The following SLC25A3 variants were observed in gnomAD, a reference collection of about 807,000 sequenced individuals.
SLC25A3 encodes the protein phosphate transport protein.
In SLC25A3, 14 loss-of-function variants were observed where a neutral mutation model predicts 37.1. That is an observed-to-expected ratio of 0.38 (90% CI 0.25 to 0.59). The LOEUF (loss-of-function observed/expected upper bound fraction) is 0.59. Ranked by LOEUF, SLC25A3 falls within the 20% of genes least tolerant of loss-of-function variation. The pLI is 0.67. For missense variants in SLC25A3, 385 were observed against 458.1 expected (o/e 0.84, Z 1.46); for synonymous variants, 161 against 168.7 (o/e 0.95, Z 0.36).
At chr12:98,593,920 G>A in intron 1 of SLC25A3, 55 bp from the exon 2 acceptor site, 1 of 1,609,136 alleles carries the variant, frequency 6.2e-7, no homozygotes, top group Admixed American at 1.7e-5. Flanking sequence ...CAGGGCGCCG[G>A]TAACGTTAAC....
intron 6 of SLC25A3, among the ~76,000 whole-genome samples, chr12:98,600,700 C>G (rs1470426946): frequency 6.6e-6 from 1 of 152,210 alleles, no homozygotes; most frequent in Non-Finnish European, 1.5e-5. Flanking sequence ...GCGTGAGCCA[C>G]CGCGCCTGGC....
chr12:98,601,175 A>C lies in SLC25A3; in HGVS notation c.819A>C (p.Gly273=). 6.2e-7 allele frequency: 1 copy of C among 1,612,368 alleles called. No individual in the cohort carries two copies. Among genetic ancestry groups the C allele is most frequent in the Non-Finnish European group, 8.5e-7 (1 of 1,179,540 alleles). ...GGATCCTTTATCTTTTTTCAGCTGG[A>C]GTCTTTTGTGCAATTGTTTCTCACC... ...VVTFVAGYIA[G]VFCAIVSHPA... Residue 273 remains glycine (G), a synonymous_variant, in exon 7 of 8, where the codon GGA becomes GGC. Transcript: ENST00000552981.
At position 98,598,672 on chromosome 12, in the gene SLC25A3, C is replaced by A; in HGVS notation, c.610C>A (p.Pro204Thr). 6.2e-7 allele frequency: 1 copy of A among 1,613,904 alleles called. No homozygotes were observed. Reference sequence around the variant, plus strand: ...TGCCAACACTTTGAGGGATGCAGCTCCCAAAATGTATAAGGAAGAAGGCCT... The same window carrying A: ...TGCCAACACTTTGAGGGATGCAGCTACCAAAATGTATAAGGAAGAAGGCCT... ...GYANTLRDAA[P>T]KMYKEEGLKA... Residue 204 changes from proline to threonine, a missense_variant, in exon 5 of 8, where the codon CCC (proline) becomes ACC (threonine). Pro to Thr is a conservative substitution (Grantham distance 38, BLOSUM62 -1). Around this residue, in one of 2 missense-constraint regions of SLC25A3, gnomAD observed 276 missense variants for 367.6 expected, o/e 0.75. Coordinates refer to ENST00000552981, the MANE Select transcript of SLC25A3 (RefSeq NM_002635.4).
intron 3 of SLC25A3, among the ~76,000 whole-genome samples, chr12:98,596,398 T>G (rs1283821222): frequency 6.6e-6 from 1 of 152,180 alleles, no homozygotes; most frequent in Non-Finnish European, 1.5e-5. Context: ...CAAACTGGAT[T>G]AGAAGTCTAC....
At chr12:98,596,630 G>A (rs1216931353) in intron 3 of SLC25A3, among the ~76,000 whole-genome samples, 1 of 151,556 alleles carries the variant, frequency 6.6e-6, no homozygotes, top group African/African-American at 2.4e-5. Context: ...TTTGTTTAGT[G>A]TTCACAAAAC....
At chr12:98,593,898 C>A in intron 1 of SLC25A3, 77 bp from the exon 2 acceptor site, 1 of 1,549,398 alleles carries the variant, frequency 6.5e-7, no homozygotes, top group African/African-American at 1.4e-5. Context: ...GAAAAGGCCC[C>A]GGTTGGGGTT....
chr12:98,600,087 G>C lies in SLC25A3; in HGVS notation c.774G>C (p.Lys258Asn). ...VVPKPRSECS[K>N]PEQLVVTFVA... ...CTAAGCCCCGCAGTGAATGTTCAAA[G>C]CCAGAGCAGCTGGTTGTAACATTTG... Residue 258 changes from lysine to asparagine, a missense_variant, in exon 6 of 8, where the codon AAG becomes AAC. Lys to Asn is a moderately conservative substitution (Grantham distance 94). Transcript: ENST00000552981. 6.2e-7 allele frequency: 1 copy of C among 1,613,968 alleles called. No homozygotes were observed. Among genetic ancestry groups the C allele is most frequent in the Non-Finnish European group, 8.5e-7 (1 of 1,179,796 alleles).
Position 98,604,456 on chromosome 12 carries a change from C to G in SLC25A3, c.*2928C>G, listed in dbSNP as rs2097600142. 6.6e-6 allele frequency: 1 copy of G among 151,212 alleles called. No individual in the cohort carries two copies. The highest frequency in any genetic ancestry group is 1.9e-4 in the East Asian group (1 of 5,150). 9.4% of individuals were successfully genotyped at this position (151,212 alleles called of 1,614,324 possible). A position where few individuals can be genotyped will look rare whatever the true frequency, so the allele number is the denominator to read the frequency against. On this transcript the variant is annotated 3_prime_UTR_variant, in exon 8 of 8. Transcript: ENST00000552981. ...ATTGAACAGAAGAGTAACAGCTTAA[C>G]TAAACCTCCATTGTGTGAAAGTTTT...
rs1003193447 is a variant in SLC25A3, at chr12:98,602,694, T to C, written c.*1166T>C. 3.3e-5 allele frequency: 5 copies of C among 152,212 alleles called. No homozygotes were observed. Among genetic ancestry groups the C allele is most frequent in the African/African-American group, 1.2e-4 (5 of 41,452 alleles). 9.4% of individuals were successfully genotyped at this position (152,212 alleles called of 1,614,324 possible). ...AGGAAGTGTATAAAAGTTCAATCTT[T>C]TGTAATGACAGCCCACCACTGGAAA... On this transcript the variant is annotated 3_prime_UTR_variant, in exon 8 of 8. Transcript: ENST00000552981.
At position 98,602,233 on chromosome 12, in the gene SLC25A3, C is replaced by T. The variant is rs1565832732; in HGVS notation, c.*705C>T. The stretch of plus-strand genomic sequence containing the variant: ...CCAGACGAGTGTAGTGTCGCGATCT[C>T]GCCTCACGGCAACCTCTGCCTCCCA... On this transcript the variant is annotated 3_prime_UTR_variant, in exon 8 of 8. Transcript: ENST00000552981. 1.3e-5 allele frequency: 2 copies of T among 152,002 alleles called. No individual in the cohort carries two copies. Among genetic ancestry groups the T allele is most frequent in the African/African-American group, 2.4e-5 (1 of 41,276 alleles). The allele number at this position is 152,002 out of a possible 1,614,324, so 9.4% of individuals were successfully genotyped here.
In SLC25A3 at chr12:98,599,960, A is replaced by G. The variant is rs1434634926; in HGVS notation, c.647A>G (p.Tyr216Cys). 19 of 1,613,816 alleles carry G rather than the reference A, an allele frequency of 1.2e-5. No homozygotes were observed. The highest frequency in any genetic ancestry group is 1.4e-5 in the Non-Finnish European group (17 of 1,179,778). Reference sequence around the variant, plus strand: ...CAAGTCTCTTGATTTCCTAGATTCTACAAGGGGGTTGCTCCTCTCTGGATG... The same window carrying G: ...CAAGTCTCTTGATTTCCTAGATTCTGCAAGGGGGTTGCTCCTCTCTGGATG... ...MYKEEGLKAF[Y>C]KGVAPLWMRQ... The change falls in exon 6 of 8, where the codon TAC becomes TGC. Residue 216 changes from tyrosine to cysteine, a missense_variant. Around this residue, in one of 2 missense-constraint regions of SLC25A3, gnomAD observed 276 missense variants for 367.6 expected, o/e 0.75. Transcript: ENST00000552981.
In SLC25A3 at chr12:98,601,459, C is replaced by G; in HGVS notation, c.1017C>G (p.Phe339Leu). 1 of 1,614,072 alleles carries G rather than the reference C, an allele frequency of 6.2e-7. No homozygotes were observed. Among genetic ancestry groups the G allele is most frequent in the Non-Finnish European group, 8.5e-7 (1 of 1,179,972 alleles). The change falls in exon 8 of 8, where the codon TTC becomes TTG. Residue 339 changes from phenylalanine to leucine, a missense_variant. Phe to Leu is a conservative substitution (Grantham distance 22). This residue lies in a region of SLC25A3 where 276 missense variants were observed against 367.6 expected (regional missense o/e 0.75). Transcript: ENST00000552981. ...TCTATGACTCCGTGAAGGTCTACTT[C>G]AGACTTCCTCGCCCTCCTCCACCCG... is the stretch of plus-strand genomic sequence containing the variant. Reference protein sequence around the residue: ...WFIYDSVKVYFRLPRPPPPEM... With the variant: ...WFIYDSVKVYLRLPRPPPPEM...
rs547216673 is a variant in SLC25A3, at chr12:98,604,297, A to G, written c.*2769A>G. ...ATATATATATATATATGAAGCTGAT[A>G]GTTGAATTATGTTGATTCAGGGACA... On this transcript the variant is annotated 3_prime_UTR_variant, in exon 8 of 8. Coordinates refer to ENST00000552981, the MANE Select transcript of SLC25A3 (RefSeq NM_002635.4). 1 of 149,174 alleles carries G rather than the reference A, an allele frequency of 6.7e-6. No individual in the cohort carries two copies. The highest frequency in any genetic ancestry group is 2.1e-4 in the South Asian group (1 of 4,762). 9.2% of individuals were successfully genotyped at this position (149,174 alleles called of 1,614,324 possible).
Position 98,593,745 on chromosome 12 carries a change from G to A in SLC25A3, c.-5+5G>A. ...GTGTGATCGCCATCTTAGGGAGTGA[G>A]TGTGGCCGGGCCTTCTCCTGTGGCG... On this transcript the variant is annotated splice_donor_5th_base_variant and intron_variant, in intron 1 of 7. Transcript: ENST00000552981. 3.3e-6 allele frequency: 2 copies of A among 602,060 alleles called. No homozygotes were observed. The highest frequency in any genetic ancestry group is 2.0e-5 in the South Asian group (1 of 51,080). 37.3% of individuals were successfully genotyped at this position (602,060 alleles called of 1,614,324 possible). A position where few individuals can be genotyped will look rare whatever the true frequency, so the allele number is the denominator to read the frequency against.
At chr12:98,596,465 C>G (rs2097593047) in intron 3 of SLC25A3, among the ~76,000 whole-genome samples, 1 of 152,160 alleles carries the variant, frequency 6.6e-6, no homozygotes, top group Admixed American at 6.6e-5. Context: ...GTGATGTATA[C>G]CATCCCTTCT....
rs370373809 is a variant in SLC25A3, at chr12:98,601,556, C to G, written c.*28C>G. 1.3e-4 allele frequency: 183 copies of G among 1,416,660 alleles called. No homozygotes were observed. The highest frequency in any genetic ancestry group is 1.7e-4 in the Non-Finnish European group (166 of 1,000,112). The allele number at this position is 1,416,660 out of a possible 1,614,324, so 87.8% of individuals were successfully genotyped here. Reference sequence around the variant, plus strand: ...AGATCAAAGCAAATGTGGACTGAATCTGCTTGTTGATCAGTGTTGAAGAAA... The same window carrying G: ...AGATCAAAGCAAATGTGGACTGAATGTGCTTGTTGATCAGTGTTGAAGAAA... On this transcript the variant is annotated 3_prime_UTR_variant, in exon 8 of 8. Transcript: ENST00000552981.
rs1371353356 is a variant in SLC25A3 at position 98,604,959 on chromosome 12, TG to T, written c.*3432del. On this transcript the variant is annotated 3_prime_UTR_variant, in exon 8 of 8. Coordinates refer to ENST00000552981, the MANE Select transcript of SLC25A3 (RefSeq NM_002635.4). ...TTTATTTTTAGCAGAAATGAGGTCT[TG>T]CTATGTTGCCAAGGCTAGTCTTGAA... 22 of 152,310 alleles carry T rather than the reference TG, an allele frequency of 1.4e-4. No individual in the cohort carries two copies. The highest frequency in any genetic ancestry group is 5.3e-4 in the African/African-American group (22 of 41,450). The allele number at this position is 152,310 out of a possible 1,614,324, so 9.4% of individuals were successfully genotyped here. A position where few individuals can be genotyped will look rare whatever the true frequency, so the allele number is the denominator to read the frequency against.
chr12:98,599,400 C>T (rs1592978628), intron 5 of SLC25A3, among the ~76,000 whole-genome samples: 1 of 152,006 alleles, frequency 6.6e-6, no homozygotes, highest in East Asian at 1.9e-4. Context: ...TTTAAAAAGA[C>T]TATTATAACA....
chr12:98,598,141 C>G, intron 4 of SLC25A3, 106 bp downstream of exon 4: 1 of 1,113,142 alleles, frequency 9.0e-7, no homozygotes, highest in East Asian at 2.5e-5. Context: ...GAAAATGGTC[C>G]TACAAAGTGA....
Sources: gnomAD v4.1 joint callset for allele counts (sites outside exome capture counted in the v4.1 genomes callset) on GRCh38, gnomAD v4.1.1 for gene constraint, gnomAD v4.1.1 regional missense constraint, MANE v1.5 for transcripts, NCBI Gene and HGNC (gene_info 2026-07-23, HGNC 2026-07-21) for gene names.